KLHL38: variants seen among roughly 807,000 people sequenced by gnomAD.
KLHL38 encodes the protein kelch like family member 38.
A neutral mutation model predicts 39.6 loss-of-function variants in KLHL38; 38 were observed. That is an observed-to-expected ratio of 0.96 (90% confidence interval 0.74 to 1.26). The LOEUF is 1.26. Among genes scored for constraint, KLHL38 ranks in the 50% most tolerant of loss-of-function variants. The probability of loss-of-function intolerance (pLI) is 0.00; values close to 1 mark genes in which losing one functional copy is unlikely to be tolerated. For missense variants in KLHL38, 803 were observed against 748.1 expected (o/e 1.07, Z -0.86); for synonymous variants, 322 against 302.2 (o/e 1.07, Z -0.68).
chr8:123,650,563 G>A (rs1367535881), intron 2 of KLHL38, among the ~76,000 whole-genome samples: 1 of 152,104 alleles, frequency 6.6e-6, no homozygotes, highest in African/African-American at 2.4e-5. Flanking sequence ...GATGAGCAAA[G>A]TACATCTCGT....
In KLHL38 at chr8:123,645,896, C is replaced by T. The variant is rs532668897; in HGVS notation, c.1589G>A (p.Arg530Gln). 5.6e-6 allele frequency: 9 copies of T among 1,614,002 alleles called. No homozygotes were observed. In the East Asian group the frequency reaches 6.7e-5, roughly 12 times the overall value. The change falls in exon 4 of 4, where the codon CGG becomes CAG. Residue 530 changes from arginine (R) to glutamine (Q), a missense_variant. Coordinates refer to ENST00000684634, the MANE Select transcript of KLHL38 (RefSeq NM_001081675.3). ...GNKLYVTGGR[R>Q]LTTDCNIEDS... ...CTCAATGTTGCAGTCCGTGGTCAGC[C>T]GCCGCCCGCCCGTCACGTAGAGTTT...
rs1295908188 is a variant in KLHL38, at chr8:123,645,876, T to TGTTGCA, written c.1603_1608dup (p.Cys535_Asn536dup). 3.7e-6 allele frequency: 6 copies of TGTTGCA among 1,614,050 alleles called. No homozygotes were observed. Among genetic ancestry groups the TGTTGCA allele is most frequent in the Non-Finnish European group, 5.1e-6 (6 of 1,180,012 alleles). ...CAATCGAAGGAGGCGGAGTCCTCAA[T>TGTTGCA]GTTGCAGTCCGTGGTCAGCCGCCGC... On this transcript the variant is annotated inframe_insertion, in exon 4 of 4. Coordinates refer to ENST00000684634, the MANE Select transcript of KLHL38 (RefSeq NM_001081675.3).
chr8:123,645,836 G>C lies in KLHL38; in HGVS notation c.1649C>G (p.Thr550Arg), dbSNP rs918426501. The part of the protein sequence containing the change: ...SASFDCYDPE[T>R]DTWTSQGQLP... The stretch of plus-strand genomic sequence containing the variant: ...CTGTCCCTGGGATGTCCAGGTGTCC[G>C]TCTCGGGGTCGTAGCAATCGAAGGA... Residue 550 changes from threonine to arginine, a missense_variant, in exon 4 of 4, where the codon ACG becomes AGG. Thr to Arg is a moderately conservative substitution (Grantham distance 71). Transcript: ENST00000684634. 6.2e-7 allele frequency: 1 copy of C among 1,613,908 alleles called. No homozygotes were observed. Among genetic ancestry groups the C allele is most frequent in the South Asian group, 1.1e-5 (1 of 91,048 alleles).
In KLHL38 at chr8:123,645,820, G is replaced by T; in HGVS notation, c.1665C>A (p.Ser555=). ...AGAGCTTGTGCGGCAGCTGTCCCTG[G>T]GATGTCCAGGTGTCCGTCTCGGGGT... ...CYDPETDTWT[S]QGQLPHKLFD... Residue 555 remains serine, a synonymous_variant, in exon 4 of 4, where the codon TCC becomes TCA. Transcript: ENST00000684634. 2.5e-6 allele frequency: 4 copies of T among 1,613,962 alleles called. No homozygotes were observed. Among genetic ancestry groups the T allele is most frequent in the Non-Finnish European group, 3.4e-6 (4 of 1,180,010 alleles).
Position 123,652,671 on chromosome 8 carries a change from C to T in KLHL38, c.256G>A (p.Asp86Asn). Residue 86 changes from aspartate (D) to asparagine (N), a missense_variant, in exon 2 of 4, where the codon GAC becomes AAC. Coordinates refer to ENST00000684634, the MANE Select transcript of KLHL38 (RefSeq NM_001081675.3). Reference protein sequence around the residue: ...QLKGIDPPTLDQIVSYVYTGE... With the variant: ...QLKGIDPPTLNQIVSYVYTGE... ...GTATACACGTAGGAGACGATCTGGT[C>T]CAGGGTTGGGGGGTCAATGCCTTTC... is the stretch of plus-strand genomic sequence containing the variant. 6.2e-7 allele frequency: 1 copy of T among 1,614,158 alleles called. No individual in the cohort carries two copies. Among genetic ancestry groups the T allele is most frequent in the Non-Finnish European group, 8.5e-7 (1 of 1,180,010 alleles).
chr8:123,646,152 C>G (rs895369236), intron 3 of KLHL38, 124 bp from the exon 4 acceptor site: 1 of 888,510 alleles, frequency 1.1e-6, no homozygotes, highest in African/African-American at 1.7e-5. Context: ...TGAACTAGCA[C>G]GTGGGATGTT....
rs1812676304 is a variant in KLHL38, at chr8:123,652,652, A to G, written c.275T>C (p.Val92Ala). Residue 92 changes from valine to alanine, a missense_variant, in exon 2 of 4, where the codon GTG becomes GCG. By Grantham distance (64) the Val-to-Ala change is moderately conservative. Coordinates refer to ENST00000684634, the MANE Select transcript of KLHL38 (RefSeq NM_001081675.3). ...PPTLDQIVSY[V>A]YTGEAHIATD... ...GGCAATATGTGCCTCCCCCGTATACACGTAGGAGACGATCTGGTCCAGGGT... is the reference window on the plus strand; with the variant it reads ...GGCAATATGTGCCTCCCCCGTATACGCGTAGGAGACGATCTGGTCCAGGGT... The G allele has an allele frequency of 6.2e-7, 1 of 1,614,056 alleles. No homozygotes were observed. The highest frequency in any genetic ancestry group is 2.2e-5 in the East Asian group (1 of 44,886).
At position 123,652,757 on chromosome 8, in the gene KLHL38, G is replaced by T. The variant is rs762877555; in HGVS notation, c.170C>A (p.Pro57His). Residue 57 changes from proline to histidine, a missense_variant, in exon 2 of 4, where the codon CCC becomes CAC. Transcript: ENST00000684634. ...CHRNVLASSS[P>H]YFRAMFCSSF... The stretch of plus-strand genomic sequence containing the variant: ...GCTGCAGAACATAGCCCTGAAGTAG[G>T]GGCTGCTGGAGGCCAGCACGTTGCG... 1 of 1,614,076 alleles carries T rather than the reference G, an allele frequency of 6.2e-7. No homozygotes were observed. Among genetic ancestry groups the T allele is most frequent in the Admixed American group, 1.7e-5 (1 of 60,014 alleles).
Position 123,645,953 on chromosome 8 carries a change from C to A in KLHL38, c.1532G>T (p.Arg511Met), listed in dbSNP as rs201599108. 463 of 1,614,140 alleles carry A rather than the reference C, an allele frequency of 2.9e-4. 1 individual carries two copies. The Middle Eastern group carries it at 3.0e-3, about 10-fold the overall frequency. ...CATCACTGTGGCCCCATGGTGCATC[C>A]TCCGGTCTTTCATGTCCGCACATTT... ...FVKCADMKDR[R>M]MHHGATVMGN... The change falls in exon 4 of 4, where the codon AGG becomes ATG. Residue 511 changes from arginine to methionine, a missense_variant. Transcript: ENST00000684634.
rs758490852 is a variant in KLHL38, at chr8:123,646,958, G to T, written c.1407C>A (p.Asn469Lys). The change falls in exon 3 of 4, where the codon AAC (asparagine) becomes AAA (lysine). Residue 469 changes from asparagine to lysine, a missense_variant. Coordinates refer to ENST00000684634, the MANE Select transcript of KLHL38 (RefSeq NM_001081675.3). ...CAAGCACCACTGCAGGGGCACACAC[G>T]TTCTTGATCATTCTTGTCTCCATTT... ...WFKMETRMIK[N>K]VCAPAVVLGE... The T allele has an allele frequency of 1.9e-6, 3 of 1,613,784 alleles. No individual in the cohort carries two copies. The highest frequency in any genetic ancestry group is 2.5e-6 in the Non-Finnish European group (3 of 1,179,820).
Position 123,651,516 on chromosome 8 carries a change from G to A in KLHL38, c.1350+61C>T. ...CATGTGCATGTGTGTGCAAGCAGGT[G>A]TGGGTGTGTCCAAGCACACATACTC... On this transcript the variant is annotated intron_variant, in intron 2 of 3. Coordinates refer to ENST00000684634, the MANE Select transcript of KLHL38 (RefSeq NM_001081675.3). 6 of 1,493,138 alleles carry A rather than the reference G, an allele frequency of 4.0e-6. 1 individual carries two copies. The South Asian group carries it at 8.0e-5, about 20-fold the overall frequency. 92.5% of individuals were successfully genotyped at this position (1,493,138 alleles called of 1,614,324 possible). A position where few individuals can be genotyped will look rare whatever the true frequency, so the allele number is the denominator to read the frequency against.
In KLHL38 at chr8:123,646,077, C is replaced by T. The variant is rs755800654; in HGVS notation, c.1457-49G>A. 12 of 1,554,074 alleles carry T rather than the reference C, an allele frequency of 7.7e-6. No individual in the cohort carries two copies. The South Asian group carries it at 1.2e-4, about 16-fold the overall frequency. ...CAAGCTCAGTGTTGCTCATCTGGGA[C>T]TGGAGGTCAGCAGTCCTGGGACGCG... On this transcript the variant is annotated intron_variant, in intron 3 of 3. Coordinates refer to ENST00000684634, the MANE Select transcript of KLHL38 (RefSeq NM_001081675.3).
intron 2 of KLHL38, among the ~76,000 whole-genome samples, chr8:123,649,078 C>T (rs1196916526): frequency 6.6e-6 from 1 of 152,206 alleles, no homozygotes; most frequent in Non-Finnish European, 1.5e-5. Flanking sequence ...TTGGCAACAT[C>T]TTGTTTGATG....
chr8:123,653,102 A>G (rs780824689), intron 1 of KLHL38, among the ~76,000 whole-genome samples, 175 bp from the exon 2 acceptor site: 2 of 152,194 alleles, frequency 1.3e-5, no homozygotes, highest in Non-Finnish European at 2.9e-5. Flanking sequence ...GGAAGGCCAC[A>G]TACATCTCAG....
intron 2 of KLHL38, among the ~76,000 whole-genome samples, chr8:123,649,175 A>G (rs529984876): frequency 6.6e-6 from 1 of 152,210 alleles, no homozygotes; most frequent in African/African-American, 2.4e-5. Flanking sequence ...GCAATGTGAA[A>G]TAATGAACGT....
rs746481542 is a variant in KLHL38, at chr8:123,651,577, C to T, written c.1350G>A (p.Gln450=). 9.0e-6 allele frequency: 14 copies of T among 1,557,350 alleles called. No homozygotes were observed. The Middle Eastern group carries it at 5.2e-4, about 58-fold the overall frequency. The change falls in exon 2 of 4, where the codon CAG becomes CAA. Residue 450 remains glutamine (Q), a splice_region_variant and synonymous_variant. Coordinates refer to ENST00000684634, the MANE Select transcript of KLHL38 (RefSeq NM_001081675.3). ...GTGATGGGAAGAACCGGCCATTTACCTGGATAAGGCGCACAGGGTTCTGCA... is the reference window on the plus strand; with the variant it reads ...GTGATGGGAAGAACCGGCCATTTACTTGGATAAGGCGCACAGGGTTCTGCA... The part of the protein sequence containing the change: ...DIMQNPVRLI[Q]VYHISRNSWF...
chr8:123,647,022 A>G lies in KLHL38; in HGVS notation c.1351-8T>C. The G allele has an allele frequency of 6.7e-7, 1 of 1,486,352 alleles. No homozygotes were observed. Among genetic ancestry groups the G allele is most frequent in the South Asian group, 1.1e-5 (1 of 87,660 alleles). The allele number at this position is 1,486,352 out of a possible 1,614,324, so 92.1% of individuals were successfully genotyped here. ...TCTGGAAATGTGATAAACCTGAGGG[A>G]GAGAGAGAATCATGGCACTGCATTT... On this transcript the variant is annotated splice_polypyrimidine_tract_variant and splice_region_variant and intron_variant, in intron 2 of 3. Coordinates refer to ENST00000684634, the MANE Select transcript of KLHL38 (RefSeq NM_001081675.3).
intron 2 of KLHL38, among the ~76,000 whole-genome samples, chr8:123,649,598 A>G (rs774028607): frequency 3.3e-5 from 5 of 152,184 alleles, no homozygotes; most frequent in African/African-American, 9.7e-5. Context: ...AAAGCCTTCA[A>G]TGAAGTTCTG....
chr8:123,647,923 C>T (rs1431561547), intron 2 of KLHL38, among the ~76,000 whole-genome samples: 3 of 151,606 alleles, frequency 2.0e-5, no homozygotes, highest in Admixed American at 1.3e-4. Flanking sequence ...ACTAAAAATA[C>T]AAAAAAAATT....
Sources: gnomAD v4.1 joint callset for allele counts (sites outside exome capture counted in the v4.1 genomes callset) on GRCh38, gnomAD v4.1.1 for gene constraint, MANE v1.5 for transcripts, NCBI Gene and HGNC (gene_info 2026-07-23, HGNC 2026-07-21) for gene names.